TRAF5: variants seen among roughly 807,000 people sequenced by gnomAD.
TRAF5 encodes TNF receptor associated factor 5.
TRAF5 carries 48 observed loss-of-function variants against 64.5 expected under a neutral mutation model. That is an observed-to-expected ratio of 0.74 (90% CI 0.59 to 0.95). The LOEUF (loss-of-function observed/expected upper bound fraction) is 0.95, where lower values mean the gene tolerates loss of function less well. TRAF5 is among the 40% of genes least tolerant of loss of function. TRAF5 has a pLI of 0.00. For missense variants in TRAF5, 545 were observed against 662.8 expected, an observed-to-expected ratio of 0.82 and a Z score of 1.95; for synonymous variants, 206 against 240.5, an observed-to-expected ratio of 0.86 and a Z score of 1.33.
chr1:211,332,096 G>A (rs576245474), intron 1 of TRAF5, among the ~76,000 whole-genome samples: 1 of 152,288 alleles, frequency 6.6e-6, no homozygotes, highest in East Asian at 1.9e-4. Context: ...ATGAGTTCTT[G>A]GCAGGCAGAG....
At chr1:211,329,251 T>G (rs548349240) in intron 1 of TRAF5, among the ~76,000 whole-genome samples, 1 of 152,386 alleles carries the variant, frequency 6.6e-6, no homozygotes, top group South Asian at 2.1e-4. Context: ...AGATGTTTGC[T>G]GAATCGAATT....
intron 8 of TRAF5, among the ~76,000 whole-genome samples, chr1:211,366,200 G>A (rs763731813): frequency 3.9e-4 from 60 of 152,232 alleles, no homozygotes; most frequent in Non-Finnish European, 7.8e-4. Flanking sequence ...AGGAGCTGAT[G>A]TTTACTACTG....
chr1:211,333,614 C>T (rs1183758953), intron 1 of TRAF5, among the ~76,000 whole-genome samples: 1 of 152,170 alleles, frequency 6.6e-6, no homozygotes, highest in Non-Finnish European at 1.5e-5. Context: ...TCTGTCACCT[C>T]AGCCCCCCGA....
At chr1:211,334,903 G>T (rs768221599) in intron 1 of TRAF5, among the ~76,000 whole-genome samples, 69 of 152,138 alleles carry the variant, frequency 4.5e-4, no homozygotes, top group Non-Finnish European at 6.9e-4. Flanking sequence ...CCTAACTATA[G>T]TTATGTTGTA....
chr1:211,372,877 G>C lies in TRAF5; in HGVS notation c.*175G>C, dbSNP rs1486418613. 1 of 540,012 alleles carries C rather than the reference G, an allele frequency of 1.9e-6. No homozygotes were observed. Among genetic ancestry groups the C allele is most frequent in the Non-Finnish European group, 3.2e-6 (1 of 309,736 alleles). 33.5% of individuals were successfully genotyped at this position (540,012 alleles called of 1,614,324 possible). A position where few individuals can be genotyped will look rare whatever the true frequency, so the allele number is the denominator to read the frequency against. On this transcript the variant is annotated 3_prime_UTR_variant, in exon 11 of 11. Transcript: ENST00000261464. ...GTGCTGTCTTTTTACATTTTACTCT[G>C]TCCCAGTTTGAAACTTAAAACTCTT...
intron 9 of TRAF5, among the ~76,000 whole-genome samples, chr1:211,369,885 C>T (rs534397586): frequency 2.0e-5 from 3 of 152,196 alleles, no homozygotes; most frequent in Admixed American, 6.5e-5. Flanking sequence ...TTTGCGAGTA[C>T]GCTGCGTATA....
rs778413432 is a variant in TRAF5 at position 211,356,417 on chromosome 1, T to G, written c.327T>G (p.Tyr109Ter). Reference sequence around the variant, plus strand: ...GAGAAGTCCTCAACTTATATGTATATTGCAGCAATGCTCCTGGATGTAATG... The same window carrying G: ...GAGAAGTCCTCAACTTATATGTATAGTGCAGCAATGCTCCTGGATGTAATG... Reference protein sequence around the residue: ...CKREVLNLYVYCSNAPGCNAK... With the variant: ...CKREVLNLYV The change falls in exon 4 of 11, where the codon TAT (tyrosine) becomes TAG (stop). Residue 109 changes from tyrosine (Y) to a stop codon, truncating the protein, a stop_gained. Transcript: ENST00000261464. LOFTEE classifies it high-confidence loss of function. 1.5e-5 allele frequency: 24 copies of G among 1,614,098 alleles called. No homozygotes were observed. Among genetic ancestry groups the G allele is most frequent in the Non-Finnish European group, 2.0e-5 (24 of 1,180,016 alleles).
At chr1:211,365,176 AAAAC>A (rs1179578710) in intron 7 of TRAF5, among the ~76,000 whole-genome samples, 196 bp from the exon 8 acceptor site, 1 of 152,090 alleles carries the variant, frequency 6.6e-6, no homozygotes, top group Non-Finnish European at 1.5e-5. Context: ...TCTCAAAAAA[AAAAC>A]AAACAAAAAC....
intron 1 of TRAF5, among the ~76,000 whole-genome samples, chr1:211,342,211 T>C (rs1277640885): frequency 6.6e-6 from 1 of 152,180 alleles, no homozygotes; most frequent in Non-Finnish European, 1.5e-5. Context: ...TTACAAAACA[T>C]GTGATGGGCC....
chr1:211,367,751 C>T (rs185496517), intron 8 of TRAF5, among the ~76,000 whole-genome samples: 13 of 152,244 alleles, frequency 8.5e-5, no homozygotes, highest in African/African-American at 2.4e-4. Flanking sequence ...TGGAAGTCAG[C>T]TCTAGGGGTC....
chr1:211,337,693 G>C (rs1702340016), intron 1 of TRAF5, among the ~76,000 whole-genome samples: 1 of 152,148 alleles, frequency 6.6e-6, no homozygotes, highest in Non-Finnish European at 1.5e-5. Context: ...AGGAGGAGAG[G>C]GGGGATATGT....
chr1:211,334,524 G>A (rs1409350709), intron 1 of TRAF5, among the ~76,000 whole-genome samples: 1 of 152,176 alleles, frequency 6.6e-6, no homozygotes, highest in East Asian at 1.9e-4. Context: ...CGGGCTTGGT[G>A]GCACGCACCT....
At chr1:211,337,308 G>A (rs570794932) in intron 1 of TRAF5, among the ~76,000 whole-genome samples, 1 of 152,312 alleles carries the variant, frequency 6.6e-6, no homozygotes, top group African/African-American at 2.4e-5. Flanking sequence ...CAGATATCAG[G>A]GTGAAGAGTA....
At chr1:211,348,674 C>T (rs900974428) in intron 1 of TRAF5, among the ~76,000 whole-genome samples, 1 of 152,060 alleles carries the variant, frequency 6.6e-6, no homozygotes, top group Non-Finnish European at 1.5e-5. Context: ...AGGTCTGTGT[C>T]TAGCTTCATT....
Position 211,354,433 on chromosome 1 carries a change from GC to G in TRAF5, c.245del (p.Pro82LeufsTer2), listed in dbSNP as rs1170587994. ...SLRELNTVPI[C>X]PVDKEVIKSQ... ...AGAGAATTAAACACAGTGCCAATCT[GC>G]CCTGTAGATAAAGAGGTCATCAAAT... On this transcript the variant is annotated frameshift_variant, in exon 3 of 11. Transcript: ENST00000261464. LOFTEE classifies it high-confidence loss of function. The G allele has an allele frequency of 6.2e-7, 1 of 1,613,990 alleles. No homozygotes were observed. The highest frequency in any genetic ancestry group is 8.5e-7 in the Non-Finnish European group (1 of 1,180,036).
intron 1 of TRAF5, among the ~76,000 whole-genome samples, chr1:211,342,661 C>T (rs367763553): frequency 2.0e-4 from 30 of 152,182 alleles, no homozygotes; most frequent in African/African-American, 6.8e-4. Flanking sequence ...CCACAACTAC[C>T]CTTCCCAGCC....
In TRAF5 at chr1:211,372,618, G is replaced by A; in HGVS notation, c.1590G>A (p.Leu530=). The A allele has an allele frequency of 1.2e-6, 2 of 1,614,142 alleles. No individual in the cohort carries two copies. Among genetic ancestry groups the A allele is most frequent in the African/African-American group, 1.3e-5 (1 of 75,018 alleles). The change falls in exon 11 of 11, where the codon TTG becomes TTA. Residue 530 remains leucine (L), a synonymous_variant. Transcript: ENST00000261464. ...CCCGCTTTGTGGCTCATTCTGTTTT[G>A]GAGAATGCCAAGAACGCCTACATTA... The part of the protein sequence containing the change: ...GCPRFVAHSV[L]ENAKNAYIKD...
intron 1 of TRAF5, among the ~76,000 whole-genome samples, chr1:211,352,862 A>G (rs1293230176): frequency 1.3e-5 from 2 of 152,140 alleles, no homozygotes; most frequent in Admixed American, 6.5e-5. Context: ...CCATTCTCTC[A>G]TTGAGTGGAA....
In TRAF5 at chr1:211,360,104, C is replaced by G. The variant is rs772375465; in HGVS notation, c.543+28C>G. The G allele has an allele frequency of 3.1e-6, 5 of 1,604,432 alleles. No individual in the cohort carries two copies. The South Asian group carries it at 5.6e-5, about 18-fold the overall frequency. ...GAAAAACAACACATACAACAGTCAT[C>G]TTTATGGAGCTAAATTATGCCTGAG... On this transcript the variant is annotated intron_variant, in intron 5 of 10. Coordinates refer to ENST00000261464, the MANE Select transcript of TRAF5 (RefSeq NM_001033910.3).
Sources: gnomAD v4.1 joint callset for allele counts (sites outside exome capture counted in the v4.1 genomes callset) on GRCh38, gnomAD v4.1.1 for gene constraint, MANE v1.5 for transcripts, NCBI Gene and HGNC (gene_info 2026-07-23, HGNC 2026-07-21) for gene names.